The following PDCD5 variants were observed in gnomAD, a reference collection of about 807,000 sequenced individuals.
PDCD5 encodes programmed cell death 5, also known as programmed cell death protein 5.
PDCD5 carries 23 observed loss-of-function variants against 21.9 expected under a neutral mutation model. The ratio of observed to expected loss-of-function variants is 1.05; its 90% CI spans 0.76 to 1.49. The LOEUF (loss-of-function observed/expected upper bound fraction) is 1.49, where lower values mean the gene tolerates loss of function less well. Among genes scored for constraint, PDCD5 ranks in the 40% most tolerant of loss-of-function variants. PDCD5 has a pLI of 0.00. For synonymous variants in PDCD5, 45 were observed against 49.4 expected (o/e 0.91, Z 0.37); for missense variants, 152 against 147.7 (o/e 1.03, Z -0.15).
At chr19:32,582,686 C>T (rs1971440292) in intron 2 of PDCD5, among the ~76,000 whole-genome samples, 1 of 152,172 alleles carries the variant, frequency 6.6e-6, no homozygotes, top group African/African-American at 2.4e-5. Flanking sequence ...ATCATGCTAT[C>T]ATTTTTTAAA....
At chr19:32,585,469 TTGAG>T (rs1971467322) in intron 3 of PDCD5, among the ~76,000 whole-genome samples, 1 of 152,190 alleles carries the variant, frequency 6.6e-6, no homozygotes, top group Admixed American at 6.5e-5. Context: ...GAAGCCCAGT[TTGAG>T]TGTAGAAAAG....
At chr19:32,584,179 A>G (rs1431253872) in intron 2 of PDCD5, among the ~76,000 whole-genome samples, 1 of 152,126 alleles carries the variant, frequency 6.6e-6, no homozygotes, top group Non-Finnish European at 1.5e-5. Context: ...TACTCAAACC[A>G]TAAAGAAGTG....
In PDCD5 at chr19:32,581,295, CAG is replaced by C; in HGVS notation, c.37_38del (p.Arg13AlafsTer13). ...ADEELEALRR[Q>X]RLAELQAKHG... ...CGAGGAGCTTGAGGCGCTGAGGAGA[CAG>C]AGGCTGGCCGAGCTGCAGGCCAAAC... On this transcript the variant is annotated frameshift_variant, in exon 1 of 6. Transcript: ENST00000590247. LOFTEE classifies it high-confidence loss of function. 1 of 1,529,198 alleles carries C rather than the reference CAG, an allele frequency of 6.5e-7. No individual in the cohort carries two copies. Among genetic ancestry groups the C allele is most frequent in the Non-Finnish European group, 8.8e-7 (1 of 1,142,752 alleles). The allele number at this position is 1,529,198 out of a possible 1,614,324, so 94.7% of individuals were successfully genotyped here.
Position 32,587,237 on chromosome 19 carries a change from T to A in PDCD5, c.331-16T>A, listed in dbSNP as rs1242011929. 1 of 1,571,284 alleles carries A rather than the reference T, an allele frequency of 6.4e-7. No individual in the cohort carries two copies. Among genetic ancestry groups the A allele is most frequent in the East Asian group, 2.2e-5 (1 of 44,686 alleles). On this transcript the variant is annotated splice_polypyrimidine_tract_variant and intron_variant, in intron 5 of 5. Coordinates refer to ENST00000590247, the MANE Select transcript of PDCD5 (RefSeq NM_004708.4). ...TTATTAGAAATGTTCTGACACTCATTTAATTTTCCTCCCAGTTCAACAGAA... is the reference window on the plus strand; with the variant it reads ...TTATTAGAAATGTTCTGACACTCATATAATTTTCCTCCCAGTTCAACAGAA...
At chr19:32,586,700 A>G (rs1599723574) in intron 4 of PDCD5, 158 bp from the exon 5 acceptor site, 1 of 1,333,174 alleles carries the variant, frequency 7.5e-7, no homozygotes, top group Non-Finnish European at 9.6e-7. Context: ...ACTTAAACCA[A>G]TAGTTATAAC....
chr19:32,581,239 T>G lies in PDCD5; in HGVS notation c.-23T>G, dbSNP rs369864929. The G allele has an allele frequency of 6.7e-7, 1 of 1,482,158 alleles. No individual in the cohort carries two copies. The highest frequency in any genetic ancestry group is 2.8e-5 in the East Asian group (1 of 35,346). The allele number at this position is 1,482,158 out of a possible 1,614,324, so 91.8% of individuals were successfully genotyped here. On this transcript the variant is annotated 5_prime_UTR_variant, in exon 1 of 6. Transcript: ENST00000590247. ...GAGGGGCTGCGAGAGTGACCGCGGC[T>G]GCTCCAGCGCTGACGCCGAGCCATG...
intron 4 of PDCD5, 188 bp downstream of exon 4, chr19:32,586,095 C>A: frequency 6.5e-7 from 1 of 1,534,708 alleles, no homozygotes; most frequent in South Asian, 1.2e-5. Flanking sequence ...CTGCTTCGCT[C>A]CTTTCCTGGC....
chr19:32,583,870 C>T (rs1971452752), intron 2 of PDCD5, among the ~76,000 whole-genome samples: 1 of 152,172 alleles, frequency 6.6e-6, no homozygotes, highest in Non-Finnish European at 1.5e-5. Flanking sequence ...CTCACTCCAT[C>T]ACCCAGGCTG....
chr19:32,581,517 G>A, intron 1 of PDCD5, 190 bp downstream of exon 1: 1 of 378,610 alleles, frequency 2.6e-6, no homozygotes. Context: ...GGCCCAGGAG[G>A]CTGGCGGCGG....
intron 3 of PDCD5, 71 bp from the exon 4 acceptor site, chr19:32,585,745 A>C: frequency 1.1e-6 from 1 of 884,778 alleles, no homozygotes; most frequent in Admixed American, 1.8e-5. Flanking sequence ...AGGTCAATGC[A>C]TAGTTTTAAG....
chr19:32,581,374 C>T, intron 1 of PDCD5, 47 bp downstream of exon 1: 1 of 1,375,344 alleles, frequency 7.3e-7, no homozygotes, highest in Non-Finnish European at 9.6e-7. Context: ...GGGGCGCCGC[C>T]CTCGCCCGGA....
In PDCD5 at chr19:32,582,198, C is replaced by T. The variant is rs376281754; in HGVS notation, c.70C>T (p.Pro24Ser). 6.2e-7 allele frequency: 1 copy of T among 1,611,744 alleles called. No individual in the cohort carries two copies. Among genetic ancestry groups the T allele is most frequent in the Non-Finnish European group, 8.5e-7 (1 of 1,178,452 alleles). Reference sequence around the variant, plus strand: ...AATTTAAGTTTTTTTTTTCCAGGATCCTGGTGATGCGGCCCAACAGGAAGC... The same window carrying T: ...AATTTAAGTTTTTTTTTTCCAGGATTCTGGTGATGCGGCCCAACAGGAAGC... ...LAELQAKHGD[P>S]GDAAQQEAKH... Residue 24 changes from proline to serine, a missense_variant, in exon 2 of 6, where the codon CCT becomes TCT. Physicochemically the swap from Pro to Ser is moderately conservative, Grantham distance 74. Transcript: ENST00000590247.
chr19:32,584,332 G>A (rs969183437), intron 2 of PDCD5, among the ~76,000 whole-genome samples: 3 of 152,188 alleles, frequency 2.0e-5, no homozygotes, highest in Admixed American at 2.0e-4. Flanking sequence ...ATTTCTTAAA[G>A]GATTTCATTT....
intron 4 of PDCD5, 128 bp downstream of exon 4, chr19:32,586,035 A>G: frequency 3.8e-6 from 6 of 1,590,664 alleles, no homozygotes; most frequent in Non-Finnish European, 5.1e-6. Flanking sequence ...TGTTGGAGAG[A>G]ATAGTCATAC....
intron 4 of PDCD5, 45 bp from the exon 5 acceptor site, chr19:32,586,813 T>C: frequency 6.3e-7 from 1 of 1,584,664 alleles, no homozygotes; most frequent in East Asian, 2.2e-5. Context: ...GTAAATTCTT[T>C]GTTTAAAAAA....
chr19:32,584,227 C>T (rs1019030640), intron 2 of PDCD5, among the ~76,000 whole-genome samples: 8 of 152,110 alleles, frequency 5.3e-5, no homozygotes, highest in African/African-American at 9.7e-5. Flanking sequence ...TTCCATGAAC[C>T]GAAGGGCCTC....
At position 32,581,215 on chromosome 19, in the gene PDCD5, A is replaced by G. The variant is rs1461478101; in HGVS notation, c.-47A>G. The G allele has an allele frequency of 7.9e-6, 11 of 1,388,096 alleles. No individual in the cohort carries two copies. The African/African-American group carries it at 1.5e-4, about 19-fold the overall frequency. 86.0% of individuals were successfully genotyped at this position (1,388,096 alleles called of 1,614,324 possible). A position where few individuals can be genotyped will look rare whatever the true frequency, so the allele number is the denominator to read the frequency against. On this transcript the variant is annotated 5_prime_UTR_variant, in exon 1 of 6. Coordinates refer to ENST00000590247, the MANE Select transcript of PDCD5 (RefSeq NM_004708.4). The stretch of plus-strand genomic sequence containing the variant: ...AGTGGTCAAGGCCGCGCTCGCGCCG[A>G]GGGGCTGCGAGAGTGACCGCGGCTG...
intron 3 of PDCD5, among the ~76,000 whole-genome samples, 187 bp downstream of exon 3, chr19:32,585,198 C>T (rs879725041): frequency 3.3e-5 from 5 of 152,184 alleles, no homozygotes; most frequent in Non-Finnish European, 7.3e-5. Context: ...TACCAGGTCA[C>T]TTCTCTTACC....
intron 5 of PDCD5, 158 bp from the exon 6 acceptor site, chr19:32,587,094 AT>A: frequency 1.2e-6 from 1 of 805,108 alleles, no homozygotes; most frequent in Non-Finnish European, 2.0e-6. Context: ...GAGGGTTCTA[AT>A]TTTTATAGGC....
Sources: allele counts gnomAD v4.1 joint callset (sites outside exome capture counted in the v4.1 genomes callset), GRCh38; gene constraint gnomAD v4.1.1; transcripts MANE v1.5; gene names NCBI Gene and HGNC (gene_info 2026-07-23, HGNC 2026-07-21).